Variants in GABRG3 observed in about 807,000 individuals in gnomAD.
GABRG3 encodes gamma-aminobutyric acid type A receptor subunit gamma3.
GABRG3 carries 25 observed loss-of-function variants against 48.8 expected under a neutral mutation model. The observed-to-expected ratio is 0.51, with a 90% CI of 0.37 to 0.72. GABRG3 has a LOEUF of 0.72. Ranked by LOEUF, GABRG3 falls within the 30% of genes least tolerant of loss-of-function variation. GABRG3 has a pLI of 0.00. For missense variants in GABRG3, 394 were observed against 577.9 expected (o/e 0.68, Z 3.26); for synonymous variants, 227 against 217.6 (o/e 1.04, Z -0.38).
At chr15:27,283,828 C>G (rs144083597) in intron 3 of GABRG3, among the ~76,000 whole-genome samples, 1 of 152,236 alleles carries the variant, frequency 6.6e-6, no homozygotes, top group Non-Finnish European at 1.5e-5. Flanking sequence ...CTTCTTCTTA[C>G]CTTTCAGGGT....
chr15:27,350,380 TA>T (rs1894521078), intron 5 of GABRG3: 1 of 317,082 alleles, frequency 3.2e-6, no homozygotes, highest in Admixed American at 4.0e-5. Flanking sequence ...ACCATTGAAT[TA>T]AAAGTTCAAA....
At position 27,035,278 on chromosome 15, in the gene GABRG3, A is replaced by T; in HGVS notation, c.270+8457A>T. Among the ~76,000 whole-genome samples the T allele has an allele frequency of 1.3e-5, 2 of 152,218 alleles. 1 individual carries two copies. The highest frequency in any genetic ancestry group is 2.9e-5 in the Non-Finnish European group (2 of 68,024). On this transcript the variant is annotated intron_variant, in intron 3 of 9. Coordinates refer to ENST00000615808, the MANE Select transcript of GABRG3 (RefSeq NM_033223.5). ...AATGTCATTAGAGATGCCACCTGGT[A>T]GGATGGGGTGTTGTCTATTGTAGGA...
chr15:27,340,587 A>G (rs2140528086), intron 5 of GABRG3: 1 of 154,492 alleles, frequency 6.5e-6, no homozygotes, highest in African/African-American at 2.4e-5. Flanking sequence ...TGTCAAAGGC[A>G]AATTTTGCAA....
intron 6 of GABRG3, among the ~76,000 whole-genome samples, chr15:27,488,512 G>A (rs993254831): frequency 6.6e-5 from 10 of 152,186 alleles, no homozygotes; most frequent in African/African-American, 1.7e-4. Flanking sequence ...TTCTAGTGCC[G>A]GCCTCAGAGA....
intron 2 of GABRG3, among the ~76,000 whole-genome samples, chr15:27,014,536 C>T (rs1023817167): frequency 1.3e-5 from 2 of 152,030 alleles, no homozygotes; most frequent in Admixed American, 6.6e-5. Context: ...CTTGTGATTT[C>T]TCCTTCGACC....
chr15:27,102,435 C>G (rs1386242367), intron 3 of GABRG3, among the ~76,000 whole-genome samples: 1 of 152,120 alleles, frequency 6.6e-6, no homozygotes, highest in Non-Finnish European at 1.5e-5. Context: ...AATGCCTGGG[C>G]TCCATAATAA....
chr15:26,998,213 A>G (rs1249462627), intron 2 of GABRG3, among the ~76,000 whole-genome samples: 2 of 152,164 alleles, frequency 1.3e-5, no homozygotes, highest in Non-Finnish European at 2.9e-5. Flanking sequence ...TTTTGTTACT[A>G]GTATTGTAAA....
At chr15:27,055,105 GC>G (rs1566922101) in intron 3 of GABRG3, among the ~76,000 whole-genome samples, 1 of 149,240 alleles carries the variant, frequency 6.7e-6, no homozygotes, top group South Asian at 2.2e-4. Flanking sequence ...ACAACAACTA[GC>G]CCCCCAAACA....
At chr15:27,117,427 A>T (rs764894691) in intron 3 of GABRG3, among the ~76,000 whole-genome samples, 24 of 152,126 alleles carry the variant, frequency 1.6e-4, no homozygotes, top group Non-Finnish European at 2.1e-4. Flanking sequence ...TAAATGAGTC[A>T]TATTATCCCA....
intron 3 of GABRG3, among the ~76,000 whole-genome samples, chr15:27,148,204 T>A (rs1262622982): frequency 6.6e-6 from 1 of 151,984 alleles, no homozygotes; most frequent in Non-Finnish European, 1.5e-5. Context: ...CTATAATATT[T>A]AGATTATTAC....
rs865927106 is a variant in GABRG3 at position 26,975,996 on chromosome 15, G to T, written c.54-1006G>T. On this transcript the variant is annotated intron_variant, in intron 1 of 9. Transcript: ENST00000615808. The surrounding 1 kb of genome is among the most constrained non-coding windows in gnomAD (Gnocchi z 4.6). The stretch of plus-strand genomic sequence containing the variant: ...GCTTTAAGGCAGAAAGAGACTGTCT[G>T]CTCTCCAAGCCCAAATAACTATGGT... Among the ~76,000 whole-genome samples the T allele has an allele frequency of 2.6e-5, 4 of 152,150 alleles. No individual in the cohort carries two copies. In the South Asian group the frequency reaches 8.3e-4, roughly 32 times the overall value.
chr15:27,097,203 G>T (rs1180578362), intron 3 of GABRG3, among the ~76,000 whole-genome samples: 6 of 151,902 alleles, frequency 3.9e-5, no homozygotes, highest in Non-Finnish European at 7.4e-5. Context: ...AGCTCTGGTG[G>T]GCAGATACTT....
At chr15:27,197,081 C>T (rs1007973473) in intron 3 of GABRG3, among the ~76,000 whole-genome samples, 1 of 152,106 alleles carries the variant, frequency 6.6e-6, no homozygotes. Flanking sequence ...CCTTCTCATT[C>T]CTCCCAGATA....
intron 3 of GABRG3, among the ~76,000 whole-genome samples, chr15:27,264,459 C>G (rs1332564360): frequency 6.6e-6 from 1 of 151,962 alleles, no homozygotes; most frequent in African/African-American, 2.4e-5. Context: ...ACATTTAAAA[C>G]CAAACATCAG....
intron 2 of GABRG3, among the ~76,000 whole-genome samples, chr15:26,984,600 T>G (rs1038944531): frequency 5.3e-4 from 80 of 152,194 alleles, no homozygotes; most frequent in African/African-American, 1.9e-3. Context: ...TGTCCTTAGC[T>G]GGTTCAGGGT....
At position 27,193,325 on chromosome 15, in the gene GABRG3, A is replaced by T. The variant is rs544708642; in HGVS notation, c.271-133484A>T. ...TGTCTGTGCCCTGCCCCCAGAGGTG[A>T]AGCCTACAGAGGCAGGCAGGCCTCC... On this transcript the variant is annotated intron_variant, in intron 3 of 9. Coordinates refer to ENST00000615808, the MANE Select transcript of GABRG3 (RefSeq NM_033223.5). Among the ~76,000 whole-genome samples, 110 of 150,122 alleles carry T rather than the reference A, an allele frequency of 7.3e-4. 1 individual carries two copies. Among genetic ancestry groups the T allele is most frequent in the African/African-American group, 2.6e-3 (109 of 41,362 alleles).
In GABRG3 at chr15:27,182,271, G is replaced by A. The variant is rs1189838071; in HGVS notation, c.271-144538G>A. Among the ~76,000 whole-genome samples the A allele has an allele frequency of 3.3e-5, 5 of 152,128 alleles. No homozygotes were observed. In the East Asian group the frequency reaches 9.6e-4, roughly 29 times the overall value. On this transcript the variant is annotated intron_variant, in intron 3 of 9. Transcript: ENST00000615808. ...GTGCCTGGGAAGCAGGGGTGGCTGG[G>A]ACCTATGTAATTCACTCTTACTCAC... is the stretch of plus-strand genomic sequence containing the variant.
At chr15:27,051,994 G>T (rs1203629161) in intron 3 of GABRG3, among the ~76,000 whole-genome samples, 1 of 152,168 alleles carries the variant, frequency 6.6e-6, no homozygotes, top group East Asian at 1.9e-4. Flanking sequence ...TGATCTGACA[G>T]GAGGCGGAGC....
At chr15:27,510,222 T>C (rs1890863725) in intron 6 of GABRG3, among the ~76,000 whole-genome samples, 1 of 152,200 alleles carries the variant, frequency 6.6e-6, no homozygotes, top group South Asian at 2.1e-4. Flanking sequence ...GGTGAGATGT[T>C]ATCTATGTTT....
Sources: allele counts gnomAD v4.1 joint callset (sites outside exome capture counted in the v4.1 genomes callset), GRCh38; gene constraint gnomAD v4.1.1; non-coding constraint Gnocchi (gnomAD v3.1); transcripts MANE v1.5; gene names NCBI Gene and HGNC (gene_info 2026-07-23, HGNC 2026-07-21).